ASAP2: variants seen among roughly 807,000 people sequenced by gnomAD.
ASAP2 encodes ArfGAP with SH3 domain, ankyrin repeat and PH domain 2.
A neutral mutation model predicts 131.4 loss-of-function variants in ASAP2; 45 were observed. The observed-to-expected ratio is 0.34, with a 90% confidence interval of 0.27 to 0.44. The LOEUF is 0.44. Among genes scored for constraint, ASAP2 ranks in the 20% least tolerant of loss-of-function variants. The pLI is 1.00. For synonymous variants in ASAP2, 510 were observed against 503.0 expected, an observed-to-expected ratio of 1.01 and a Z score of -0.19; for missense variants, 1,011 against 1,297.0, an observed-to-expected ratio of 0.78 and a Z score of 3.39.
intron 1 of ASAP2, among the ~76,000 whole-genome samples, chr2:9,273,644 T>G (rs914415625): frequency 2.0e-5 from 3 of 152,086 alleles, no homozygotes; most frequent in African/African-American, 7.2e-5. Flanking sequence ...GGAGTGCTGA[T>G]TGGTTGGGTC....
In ASAP2 at chr2:9,393,504, C is replaced by T. The variant is rs143886220; in HGVS notation, c.2541C>T (p.Pro847=). 1,089 of 1,607,132 alleles carry T rather than the reference C, an allele frequency of 6.8e-4. 2 individuals carry two copies. Among genetic ancestry groups the T allele is most frequent in the Middle Eastern group, 1.7e-3 (10 of 6,044 alleles). The change falls in exon 24 of 28, where the codon CCC becomes CCT. Residue 847 remains proline, a synonymous_variant. Coordinates refer to ENST00000281419, the MANE Select transcript of ASAP2 (RefSeq NM_003887.3). Reference sequence around the variant, plus strand: ...CAGATCCCCTGACCCCCACGCCGCCCCCACCCGTTGCCAAGACGCCCAGCG... The same window carrying T: ...CAGATCCCCTGACCCCCACGCCGCCTCCACCCGTTGCCAAGACGCCCAGCG... ...TSTNPLTPTP[P]PPVAKTPSVM... is the part of the protein sequence containing the mutation.
chr2:9,279,198 C>A, intron 1 of ASAP2, 119 bp from the exon 2 acceptor site: 1 of 919,762 alleles, frequency 1.1e-6, no homozygotes, highest in Non-Finnish European at 1.8e-6. Context: ...GGCTTGTCTC[C>A]CAGAAACAGG....
At chr2:9,397,636 A>G (rs1676247864) in intron 24 of ASAP2, among the ~76,000 whole-genome samples, 1 of 149,874 alleles carries the variant, frequency 6.7e-6, no homozygotes, top group African/African-American at 2.5e-5. Context: ...CACAGGCCAC[A>G]TCCAGCCTGC....
At chr2:9,346,188 G>T (rs906510113) in intron 11 of ASAP2, among the ~76,000 whole-genome samples, 6 of 152,146 alleles carry the variant, frequency 3.9e-5, no homozygotes, top group African/African-American at 1.4e-4. Context: ...AGCGCTTAGG[G>T]AGGCCGAGGC....
At chr2:9,291,822 T>C (rs961197051) in intron 2 of ASAP2, among the ~76,000 whole-genome samples, 1 of 152,162 alleles carries the variant, frequency 6.6e-6, no homozygotes, top group Non-Finnish European at 1.5e-5. Context: ...CCTGCCTTCG[T>C]TCTGTTATGC....
intron 20 of ASAP2, among the ~76,000 whole-genome samples, chr2:9,381,534 C>T (rs375171879): frequency 3.6e-4 from 55 of 152,182 alleles, no homozygotes; most frequent in African/African-American, 1.3e-3. Context: ...GCCAGGAATT[C>T]GAGATCAGCC....
In ASAP2 at chr2:9,216,453, ATT is replaced by A. The variant is rs999787414; in HGVS notation, c.126+9247_126+9248del. Among the ~76,000 whole-genome samples, 458 of 85,374 alleles carry A rather than the reference ATT, an allele frequency of 5.4e-3. 2 individuals are homozygous for A. The highest frequency in any genetic ancestry group is 0.021 in the African/African-American group (441 of 20,786). 56.0% of individuals were successfully genotyped at this position (85,374 alleles called of 152,430 possible). On this transcript the variant is annotated intron_variant, in intron 1 of 27. Transcript: ENST00000281419. ...AGGTGTGCCCCACCATGCCTGTTTA[ATT>A]TTTTTTTTTTTTTTTTTTTTTTTGA...
intron 14 of ASAP2, among the ~76,000 whole-genome samples, chr2:9,356,844 G>GCTGACACAT (rs1220936048): frequency 6.6e-6 from 1 of 152,188 alleles, no homozygotes; most frequent in Admixed American, 6.5e-5. Context: ...GACCCTTTCA[G>GCTGACACAT]CTGACACATT....
intron 9 of ASAP2, among the ~76,000 whole-genome samples, chr2:9,338,888 A>G (rs1044960136): frequency 6.6e-6 from 1 of 152,128 alleles, no homozygotes; most frequent in Admixed American, 6.5e-5. Context: ...GATGATTAGG[A>G]GTTGGCAGGC....
At chr2:9,286,447 A>AAAAATATAT (rs58605449) in intron 2 of ASAP2, among the ~76,000 whole-genome samples, 61 of 148,486 alleles carry the variant, frequency 4.1e-4, no homozygotes, top group African/African-American at 1.5e-3. Context: ...GAAAAAAAAA[A>AAAAATATAT]ATATATATAT....
rs528315857 is a variant in ASAP2 at position 9,398,053 on chromosome 2, C to T, written c.2685-1970C>T. On this transcript the variant is annotated intron_variant, in intron 24 of 27. Transcript: ENST00000281419. ...GATTACAGGCGTGAGCCACTGCGCC[C>T]GGCCTCAAAAGGATATTTTGTGGCA... Among the ~76,000 whole-genome samples, 7 of 151,750 alleles carry T rather than the reference C, an allele frequency of 4.6e-5. No homozygotes were observed. In the South Asian group the frequency reaches 6.3e-4, roughly 14 times the overall value.
intron 6 of ASAP2, among the ~76,000 whole-genome samples, chr2:9,324,154 A>G (rs571437049): frequency 6.6e-6 from 1 of 152,358 alleles, no homozygotes; most frequent in Admixed American, 6.5e-5. Context: ...AGCAATCAAC[A>G]ACAAAGCTAA....
chr2:9,391,740 A>ATT (rs33928425), intron 23 of ASAP2, among the ~76,000 whole-genome samples: 8,961 of 128,412 alleles, frequency 0.07, 846 homozygotes, highest in African/African-American at 0.21. Context: ...ATGCTCAGCT[A>ATT]TTTTTTTTTT....
intron 24 of ASAP2, among the ~76,000 whole-genome samples, chr2:9,398,141 C>T (rs897263344): frequency 2.6e-5 from 4 of 151,992 alleles, no homozygotes; most frequent in Non-Finnish European, 5.9e-5. Flanking sequence ...TTAGCCACAC[C>T]TGTTTTTTTA....
At chr2:9,246,776 C>T (rs1052047552) in intron 1 of ASAP2, among the ~76,000 whole-genome samples, 1 of 152,178 alleles carries the variant, frequency 6.6e-6, no homozygotes, top group Non-Finnish European at 1.5e-5. Context: ...GTGGGAGAGG[C>T]TCATTCCTGG....
rs1669062592 is a variant in ASAP2, at chr2:9,308,067, A to G, written c.346-10457A>G. Among the ~76,000 whole-genome samples the G allele has an allele frequency of 1.3e-5, 2 of 152,230 alleles. 1 individual carries two copies. The highest frequency in any genetic ancestry group is 4.1e-4 in the South Asian group (2 of 4,830). Reference sequence around the variant, plus strand: ...AAACAAAAGTGGCCTAGATGATTGTATTAGTCTGTTCTTGCACTGCTATAA... The same window carrying G: ...AAACAAAAGTGGCCTAGATGATTGTGTTAGTCTGTTCTTGCACTGCTATAA... On this transcript the variant is annotated intron_variant, in intron 3 of 27. Coordinates refer to ENST00000281419, the MANE Select transcript of ASAP2 (RefSeq NM_003887.3).
chr2:9,256,425 A>G (rs558336246), intron 1 of ASAP2, among the ~76,000 whole-genome samples: 56 of 152,264 alleles, frequency 3.7e-4, no homozygotes, highest in African/African-American at 1.1e-3. Flanking sequence ...GCCAATGATG[A>G]TGCTGTCCAT....
In ASAP2 at chr2:9,207,091, C is replaced by G; in HGVS notation, c.-14C>G. 6.4e-7 allele frequency: 1 copy of G among 1,567,282 alleles called. No individual in the cohort carries two copies. Among genetic ancestry groups the G allele is most frequent in the Non-Finnish European group, 8.6e-7 (1 of 1,157,562 alleles). On this transcript the variant is annotated 5_prime_UTR_variant, in exon 1 of 28. Transcript: ENST00000281419. This position sits in a 1 kb window ranked among gnomAD's most constrained non-coding sequence, Gnocchi z 4.1. ...GCCCCTGCGGCTGTGCGCCAGCGCC[C>G]TCGCGCCGAGGCGATGCCGGACCAG...
intron 5 of ASAP2, among the ~76,000 whole-genome samples, chr2:9,322,718 A>C (rs752372095): frequency 6.6e-6 from 1 of 152,220 alleles, no homozygotes; most frequent in Non-Finnish European, 1.5e-5. Context: ...GCCTGGCTTC[A>C]CTGAGTGAGG....
Sources: gnomAD v4.1 joint callset for allele counts (sites outside exome capture counted in the v4.1 genomes callset) on GRCh38, gnomAD v4.1.1 for gene constraint, Gnocchi (gnomAD v3.1) non-coding constraint, MANE v1.5 for transcripts, NCBI Gene and HGNC (gene_info 2026-07-23, HGNC 2026-07-21) for gene names.